FTO: variants seen among roughly 807,000 people sequenced by gnomAD.
FTO encodes FTO alpha-ketoglutarate dependent dioxygenase, also known as alpha-ketoglutarate-dependent dioxygenase FTO.
FTO carries 47 observed loss-of-function variants against 63.9 expected under a neutral mutation model. The ratio of observed to expected loss-of-function variants is 0.74; its 90% CI spans 0.58 to 0.94. FTO has a LOEUF of 0.94. Ranked by LOEUF, FTO falls within the 40% of genes least tolerant of loss-of-function variation. The pLI, the probability that FTO is intolerant of heterozygous loss-of-function variation, is 0.00. For missense variants in FTO, 562 were observed against 618.1 expected (o/e 0.91, Z 0.96); for synonymous variants, 207 against 224.4 (o/e 0.92, Z 0.69).
chr16:53,777,637 A>C (rs149971057), intron 1 of FTO, among the ~76,000 whole-genome samples: 1 of 152,304 alleles, frequency 6.6e-6, no homozygotes, highest in African/African-American at 2.4e-5. Flanking sequence ...TTCATTATAC[A>C]GTGTAAAAAA....
At chr16:53,968,365 C>T (rs1372309394) in intron 8 of FTO, among the ~76,000 whole-genome samples, 1 of 152,158 alleles carries the variant, frequency 6.6e-6, no homozygotes, top group Non-Finnish European at 1.5e-5. Context: ...GTCCTAAGTT[C>T]CTTCAGATTC....
intron 1 of FTO, among the ~76,000 whole-genome samples, chr16:53,739,372 T>G (rs998650634): frequency 2.0e-5 from 2 of 99,620 alleles, no homozygotes; most frequent in Admixed American, 1.0e-4. Context: ...CACCTGGCTG[T>G]TTTTTTTTTT....
intron 8 of FTO, among the ~76,000 whole-genome samples, chr16:53,977,728 A>G (rs1567490345): frequency 2.0e-5 from 3 of 152,158 alleles, no homozygotes; most frequent in Non-Finnish European, 2.9e-5. Context: ...TTTCTTTGAC[A>G]TCTTTATGAA....
In FTO at chr16:53,737,530, AG is replaced by A. The variant is rs568004900; in HGVS notation, c.45+33303del. Among the ~76,000 whole-genome samples the A allele has an allele frequency of 2.3e-3, 356 of 152,348 alleles. 4 individuals are homozygous for A. The highest frequency in any genetic ancestry group is 7.4e-3 in the African/African-American group (306 of 41,592). Reference sequence around the variant, plus strand: ...GTATTTGTGTATCTAAACATATAAAAGGTGCAGTCAAAATACATTATTGTAA... The same window carrying A: ...GTATTTGTGTATCTAAACATATAAAAGTGCAGTCAAAATACATTATTGTAA... On this transcript the variant is annotated intron_variant, in intron 1 of 8. Coordinates refer to ENST00000471389, the MANE Select transcript of FTO (RefSeq NM_001080432.3).
At chr16:53,939,706 A>T (rs1437513778) in intron 8 of FTO, among the ~76,000 whole-genome samples, 1 of 152,198 alleles carries the variant, frequency 6.6e-6, no homozygotes, top group African/African-American at 2.4e-5. Context: ...TATAAATGAA[A>T]TCATACAATA....
chr16:54,079,251 T>G (rs2086080311), intron 8 of FTO, among the ~76,000 whole-genome samples: 1 of 152,174 alleles, frequency 6.6e-6, no homozygotes, highest in South Asian at 2.1e-4. Flanking sequence ...GTTCAGTGCC[T>G]GCTGACATAA....
chr16:53,818,750 G>C (rs2078769378), intron 2 of FTO, among the ~76,000 whole-genome samples: 1 of 151,166 alleles, frequency 6.6e-6, no homozygotes, highest in African/African-American at 2.4e-5. Flanking sequence ...TCTTCTATGA[G>C]TATAGTTTCC....
Position 53,790,541 on chromosome 16 carries a change from A to T in FTO, c.46-19599A>T, listed in dbSNP as rs145076406. Among the ~76,000 whole-genome samples, 1,025 of 130,188 alleles carry T rather than the reference A, an allele frequency of 7.9e-3. 9 individuals are homozygous for T. The highest frequency in any genetic ancestry group is 0.012 in the Non-Finnish European group (760 of 63,480). The allele number at this position is 130,188 out of a possible 152,430, so 85.4% of individuals were successfully genotyped here. A position where few individuals can be genotyped will look rare whatever the true frequency, so the allele number is the denominator to read the frequency against. On this transcript the variant is annotated intron_variant, in intron 1 of 8. Transcript: ENST00000471389. ...AGACCAGCCTGGGCAACAGAGTAAG[A>T]CCCCCATCTCTATAAAGAAAACAAA...
intron 1 of FTO, among the ~76,000 whole-genome samples, chr16:53,790,942 A>G (rs1031480325): frequency 6.6e-6 from 1 of 152,138 alleles, no homozygotes; most frequent in Admixed American, 6.5e-5. Context: ...CAGAGGAAGA[A>G]AGACCTGAAA....
At chr16:54,010,375 C>T (rs1460569406) in intron 8 of FTO, among the ~76,000 whole-genome samples, 1 of 152,178 alleles carries the variant, frequency 6.6e-6, no homozygotes, top group African/African-American at 2.4e-5. Context: ...CACTACCCTC[C>T]AGCCTGGGTG....
intron 8 of FTO, among the ~76,000 whole-genome samples, chr16:54,092,488 AAG>A (rs2086412623): frequency 6.6e-6 from 1 of 152,196 alleles, no homozygotes; most frequent in Non-Finnish European, 1.5e-5. Flanking sequence ...TGAAGTCTAA[AAG>A]AGCAAGTCAT....
At chr16:53,985,953 T>G (rs1297245060) in intron 8 of FTO, among the ~76,000 whole-genome samples, 1 of 152,218 alleles carries the variant, frequency 6.6e-6, no homozygotes, top group Non-Finnish European at 1.5e-5. Flanking sequence ...GAAACATTCT[T>G]CAACATTTCA....
At chr16:54,074,880 C>T (rs1289886312) in intron 8 of FTO, among the ~76,000 whole-genome samples, 1 of 148,268 alleles carries the variant, frequency 6.7e-6, no homozygotes, top group Non-Finnish European at 1.5e-5. Flanking sequence ...TAGCTTTAAC[C>T]AGAACTGGAA....
chr16:53,858,424 T>C (rs2080071462), intron 4 of FTO, among the ~76,000 whole-genome samples: 1 of 152,166 alleles, frequency 6.6e-6, no homozygotes, highest in Non-Finnish European at 1.5e-5. Context: ...TCAGTGAAAT[T>C]GGTAAGAGCT....
intron 7 of FTO, among the ~76,000 whole-genome samples, chr16:53,918,486 T>C (rs2081935456): frequency 6.6e-6 from 1 of 152,212 alleles, no homozygotes; most frequent in African/African-American, 2.4e-5. Flanking sequence ...TGTCATTGAC[T>C]GGAACATCAT....
At chr16:53,729,858 C>T (rs979349040) in intron 1 of FTO, among the ~76,000 whole-genome samples, 2 of 152,184 alleles carry the variant, frequency 1.3e-5, no homozygotes, top group African/African-American at 4.8e-5. Context: ...CTGCCATCCT[C>T]AATGTTGTGT....
intron 3 of FTO, among the ~76,000 whole-genome samples, chr16:53,832,223 C>A (rs1171877058): frequency 3.9e-5 from 6 of 152,306 alleles, no homozygotes; most frequent in African/African-American, 1.2e-4. Context: ...GCTACATTTT[C>A]TCCCCTCTGT....
At chr16:53,844,461 A>C (rs1442985488) in intron 4 of FTO, among the ~76,000 whole-genome samples, 163 bp downstream of exon 4, 1 of 151,902 alleles carries the variant, frequency 6.6e-6, no homozygotes, top group East Asian at 1.9e-4. Flanking sequence ...CTTTTTTGAG[A>C]TATTGCTGAT....
In FTO at chr16:53,876,503, T is replaced by C. The variant is rs185337160; in HGVS notation, c.975+2638T>C. ...CCATAAAGAAAGTGTAGAGGACCCA[T>C]GGAATGGGAGAAAATATCTGCAAAT... On this transcript the variant is annotated intron_variant, in intron 5 of 8. Transcript: ENST00000471389. 6.5e-3 allele frequency among the ~76,000 whole-genome samples: 987 copies of C among 152,334 alleles called. 13 individuals carry two copies. Among genetic ancestry groups the C allele is most frequent in the African/African-American group, 0.022 (919 of 41,570 alleles).
Sources: allele counts gnomAD v4.1 joint callset (sites outside exome capture counted in the v4.1 genomes callset), GRCh38; gene constraint gnomAD v4.1.1; transcripts MANE v1.5; gene names NCBI Gene and HGNC (gene_info 2026-07-23, HGNC 2026-07-21).